Variants in THSD7B observed in about 807,000 individuals in gnomAD.
The protein encoded by THSD7B is thrombospondin type-1 domain-containing protein 7B.
Under a neutral mutation model 213.6 loss-of-function variants are expected in THSD7B, and 138 were observed. The ratio of observed to expected loss-of-function variants is 0.65; its 90% CI spans 0.56 to 0.74. The LOEUF (loss-of-function observed/expected upper bound fraction) is 0.74, where lower values mean the gene tolerates loss of function less well. Among genes scored for constraint, THSD7B ranks in the 30% least tolerant of loss-of-function variants. The probability of loss-of-function intolerance (pLI) is 0.00; values close to 1 mark genes in which losing one functional copy is unlikely to be tolerated. For missense variants in THSD7B, 1,931 were observed against 1,991.5 expected (o/e 0.97, Z 0.58); for synonymous variants, 742 against 687.0 (o/e 1.08, Z -1.25).
At chr2:137,289,403 A>G (rs1194035476) in intron 12 of THSD7B, among the ~76,000 whole-genome samples, 1 of 152,078 alleles carries the variant, frequency 6.6e-6, no homozygotes, top group East Asian at 1.9e-4. Flanking sequence ...GTTTTCTCAA[A>G]CTCATTTGCC....
intron 12 of THSD7B, among the ~76,000 whole-genome samples, chr2:137,297,600 GC>G (rs1683496713): frequency 6.6e-6 from 1 of 151,994 alleles, no homozygotes; most frequent in Non-Finnish European, 1.5e-5. Flanking sequence ...TTGATATGGT[GC>G]CCCCACCCAA....
intron 25 of THSD7B, among the ~76,000 whole-genome samples, chr2:137,661,367 A>G (rs1009345461): frequency 6.6e-6 from 1 of 152,072 alleles, no homozygotes; most frequent in Non-Finnish European, 1.5e-5. Flanking sequence ...TCGAGTTATT[A>G]CAAGGAAGGA....
chr2:137,629,655 G>A (rs1223048536), intron 20 of THSD7B, among the ~76,000 whole-genome samples: 1 of 152,202 alleles, frequency 6.6e-6, no homozygotes, highest in Non-Finnish European at 1.5e-5. Context: ...GTCCTTGTGT[G>A]AACCAAGGCA....
intron 12 of THSD7B, among the ~76,000 whole-genome samples, chr2:137,308,805 A>G (rs919571492): frequency 1.3e-5 from 2 of 152,160 alleles, no homozygotes; most frequent in African/African-American, 4.8e-5. Flanking sequence ...CTATATGTAT[A>G]TGTACTGACA....
chr2:137,334,424 C>T (rs1217799040), intron 12 of THSD7B, among the ~76,000 whole-genome samples: 1 of 152,142 alleles, frequency 6.6e-6, no homozygotes, highest in African/African-American at 2.4e-5. Context: ...CTTTATTTTT[C>T]TCCACACCCT....
intron 1 of THSD7B, among the ~76,000 whole-genome samples, chr2:136,815,918 T>C (rs566590061): frequency 2.0e-5 from 3 of 152,268 alleles, no homozygotes; most frequent in East Asian, 3.9e-4. Flanking sequence ...AGTGTCTCAC[T>C]CTGTCTCCCA....
At chr2:137,521,200 A>T (rs1680177664) in intron 15 of THSD7B, among the ~76,000 whole-genome samples, 1 of 152,194 alleles carries the variant, frequency 6.6e-6, no homozygotes, top group Non-Finnish European at 1.5e-5. Flanking sequence ...CCCACCCCAG[A>T]TTATGAGATT....
chr2:136,905,725 T>A (rs1684148969), intron 2 of THSD7B, among the ~76,000 whole-genome samples: 1 of 152,170 alleles, frequency 6.6e-6, no homozygotes, highest in Non-Finnish European at 1.5e-5. Context: ...AACCAGCAAT[T>A]TGAGACAAGT....
intron 15 of THSD7B, among the ~76,000 whole-genome samples, chr2:137,485,876 T>G (rs972162146): frequency 6.6e-6 from 1 of 152,062 alleles, no homozygotes; most frequent in Non-Finnish European, 1.5e-5. Context: ...CAACCCAGAA[T>G]TTCATATCCA....
chr2:136,890,940 C>A (rs62172303), intron 2 of THSD7B, among the ~76,000 whole-genome samples: 12,168 of 151,924 alleles, frequency 0.08, 577 homozygotes, highest in Middle Eastern at 0.15. Flanking sequence ...ACCTCTCTTA[C>A]TGATCTTCAA....
chr2:137,043,022 A>G (rs535898708), intron 2 of THSD7B, among the ~76,000 whole-genome samples: 1 of 152,254 alleles, frequency 6.6e-6, no homozygotes, highest in African/African-American at 2.4e-5. Flanking sequence ...TCAGTGCACT[A>G]TTGAGCGAAG....
rs1235079684 is a variant in THSD7B, at chr2:137,233,050, T to C, written c.2067T>C (p.Asn689=). 1 of 1,613,924 alleles carries C rather than the reference T, an allele frequency of 6.2e-7. No homozygotes were observed. The highest frequency in any genetic ancestry group is 1.1e-5 in the South Asian group (1 of 91,078). ...CCCTTAATGCAACCATTGGCTGGAA[T>C]GGAGAAGCCACGTGTGGTGTAGGCA... ...VTALNATIGW[N]GEATCGVGIQ... Residue 689 remains asparagine, a synonymous_variant, in exon 9 of 28, where the codon AAT becomes AAC. Coordinates refer to ENST00000409968, the MANE Select transcript of THSD7B (RefSeq NM_001316349.2).
At chr2:137,634,407 G>A (rs1365679280) in intron 20 of THSD7B, among the ~76,000 whole-genome samples, 1 of 152,064 alleles carries the variant, frequency 6.6e-6, no homozygotes, top group Non-Finnish European at 1.5e-5. Flanking sequence ...ACAGTGCACT[G>A]GAGTTTATAG....
At chr2:137,618,677 A>C (rs959373411) in intron 19 of THSD7B, among the ~76,000 whole-genome samples, 170 bp downstream of exon 19, 1 of 152,202 alleles carries the variant, frequency 6.6e-6, no homozygotes, top group Non-Finnish European at 1.5e-5. Flanking sequence ...ACTAGTTTGA[A>C]TTTAGTCAAA....
chr2:137,655,788 T>G (rs1683225359), intron 22 of THSD7B, 128 bp downstream of exon 22: 2 of 1,216,074 alleles, frequency 1.6e-6, no homozygotes, highest in Non-Finnish European at 2.2e-6. Flanking sequence ...CATTTTTAAT[T>G]GTGGTTATCA....
intron 15 of THSD7B, among the ~76,000 whole-genome samples, chr2:137,470,365 G>C (rs1688069184): frequency 6.6e-6 from 1 of 152,146 alleles, no homozygotes; most frequent in African/African-American, 2.4e-5. Flanking sequence ...CAGATTTCTT[G>C]TTACAAATTA....
chr2:137,170,312 C>T (rs992193236), intron 6 of THSD7B, among the ~76,000 whole-genome samples: 12 of 151,980 alleles, frequency 7.9e-5, no homozygotes, highest in Admixed American at 1.3e-4. Context: ...AATGGTCAGG[C>T]GCCATGGAGA....
intron 21 of THSD7B, among the ~76,000 whole-genome samples, chr2:137,654,380 G>A (rs1033628197): frequency 1.4e-4 from 22 of 152,264 alleles, no homozygotes; most frequent in African/African-American, 4.8e-4. Context: ...CAGAGCTGGA[G>A]GATAGTAGTC....
intron 5 of THSD7B, among the ~76,000 whole-genome samples, chr2:137,158,824 C>T (rs918304386): frequency 1.3e-5 from 2 of 152,110 alleles, no homozygotes; most frequent in African/African-American, 2.4e-5. Flanking sequence ...CTGCAGTGTC[C>T]ACCTTGGAAG....
Sources: gnomAD v4.1 joint callset for allele counts (sites outside exome capture counted in the v4.1 genomes callset) on GRCh38, gnomAD v4.1.1 for gene constraint, MANE v1.5 for transcripts, NCBI Gene and HGNC (gene_info 2026-07-23, HGNC 2026-07-21) for gene names.